The following PLXNA1 variants were observed in gnomAD, a reference collection of about 807,000 sequenced individuals.
PLXNA1 encodes plexin-A1.
In PLXNA1, 77 loss-of-function variants were observed where a neutral mutation model predicts 191.7. The ratio of observed to expected loss-of-function variants is 0.40; its 90% CI spans 0.33 to 0.49. The LOEUF is 0.49. PLXNA1 is among the 20% of genes least tolerant of loss of function. The probability of loss-of-function intolerance (pLI) is 0.63; values close to 1 mark genes in which losing one functional copy is unlikely to be tolerated. For missense variants in PLXNA1, 2,110 were observed against 2,660.2 expected (o/e 0.79, Z 4.55); for synonymous variants, 1,137 against 1,156.4 (o/e 0.98, Z 0.34).
At position 127,016,578 on chromosome 3, in the gene PLXNA1, A is replaced by G. The variant is rs2079124665; in HGVS notation, c.3076A>G (p.Ile1026Val). 1 of 1,613,816 alleles carries G rather than the reference A, an allele frequency of 6.2e-7. No homozygotes were observed. The highest frequency in any genetic ancestry group is 1.3e-5 in the African/African-American group (1 of 74,918). The change falls in exon 16 of 32, where the codon ATC becomes GTC. Residue 1026 changes from isoleucine (I) to valine (V), a missense_variant. Physicochemically the swap from Ile to Val is conservative, Grantham distance 29 (BLOSUM62 3). Coordinates refer to ENST00000393409, the MANE Select transcript of PLXNA1 (RefSeq NM_032242.4). ...PPGQSPGSAP[I>V]IININRAQLT... is the part of the protein sequence containing the mutation. ...CGGGCAGAGCCCTGGCAGCGCTCCC[A>G]TCATCATCAACATCAACCGCGCCCA...
intron 3 of PLXNA1, among the ~76,000 whole-genome samples, chr3:126,997,830 G>C (rs928995545): frequency 6.6e-6 from 1 of 152,250 alleles, no homozygotes; most frequent in African/African-American, 2.4e-5. Flanking sequence ...AAGCCAGTCA[G>C]GCCTAAGCCA....
chr3:126,999,885 C>T (rs1188566150), intron 3 of PLXNA1, among the ~76,000 whole-genome samples: 5 of 152,010 alleles, frequency 3.3e-5, no homozygotes, highest in Admixed American at 6.5e-5. Context: ...TGAGAGGCCT[C>T]GGGACTGCAC....
chr3:127,021,160 G>T (rs1196872724), intron 21 of PLXNA1, among the ~76,000 whole-genome samples: 1 of 152,214 alleles, frequency 6.6e-6, no homozygotes, highest in African/African-American at 2.4e-5. Flanking sequence ...ATACTGAGCA[G>T]ACCTTCCCGC....
chr3:127,011,601 A>AT (rs780960373), intron 9 of PLXNA1, among the ~76,000 whole-genome samples: 2 of 152,032 alleles, frequency 1.3e-5, no homozygotes, highest in Non-Finnish European at 2.9e-5. Context: ...GGCTCTGGCT[A>AT]TTTTTATACA....
At position 127,034,880 on chromosome 3, in the gene PLXNA1, G is replaced by A. The variant is rs2079232356; in HGVS notation, c.*863G>A. ...AGGCTGCCCTGGCAGCTGTCTTCAA[G>A]GGTAGGCTGAGCTCCCCACCCTGGA... is the stretch of plus-strand genomic sequence containing the variant. On this transcript the variant is annotated 3_prime_UTR_variant, in exon 32 of 32. Transcript: ENST00000393409. The A allele has an allele frequency of 6.5e-6, 1 of 152,748 alleles. No individual in the cohort carries two copies. Among genetic ancestry groups the A allele is most frequent in the Admixed American group, 6.5e-5 (1 of 15,294 alleles). 9.5% of individuals were successfully genotyped at this position (152,748 alleles called of 1,614,324 possible).
At chr3:126,994,398 G>A (rs992243185) in intron 3 of PLXNA1, among the ~76,000 whole-genome samples, 3 of 152,146 alleles carry the variant, frequency 2.0e-5, no homozygotes, top group African/African-American at 4.8e-5. Context: ...TGTTCCATCC[G>A]CTCTGCCTCC....
rs1245929490 is a variant in PLXNA1, at chr3:127,017,648, CCCCA to C, written c.3502_3505del (p.Pro1168SerfsTer73). 6.2e-7 allele frequency: 1 copy of C among 1,613,402 alleles called. No individual in the cohort carries two copies. Among genetic ancestry groups the C allele is most frequent in the African/African-American group, 1.3e-5 (1 of 74,912 alleles). On this transcript the variant is annotated frameshift_variant, in exon 18 of 32. Transcript: ENST00000393409. LOFTEE classifies it high-confidence loss of function. ...GGCCTGCTGGAGCTGAAGCCCAGCT[CCCCA>C]CTCATCCTCAAGGTGGGTCACCATT...
chr3:127,029,334 C>T, intron 26 of PLXNA1, 106 bp from the exon 27 acceptor site: 1 of 1,085,410 alleles, frequency 9.2e-7, no homozygotes, highest in Non-Finnish European at 1.4e-6. Flanking sequence ...TGGCTGCCTC[C>T]AGGCACAGCA....
Position 126,989,792 on chromosome 3 carries a change from G to T in PLXNA1, c.1194+5G>T, listed in dbSNP as rs1161703065. ...GAGCTGGGCTGCATCAACTCGGTGA[G>T]TTGGGCAGGGGCGCCCCTCCTCCCG... On this transcript the variant is annotated splice_donor_5th_base_variant and intron_variant, in intron 2 of 31. Coordinates refer to ENST00000393409, the MANE Select transcript of PLXNA1 (RefSeq NM_032242.4). 1 of 1,597,536 alleles carries T rather than the reference G, an allele frequency of 6.3e-7. No homozygotes were observed. Among genetic ancestry groups the T allele is most frequent in the Admixed American group, 1.7e-5 (1 of 59,070 alleles).
chr3:127,013,957 G>A (rs1269836753), intron 10 of PLXNA1, 63 bp from the exon 11 acceptor site: 6 of 1,468,050 alleles, frequency 4.1e-6, no homozygotes, highest in South Asian at 2.3e-5. Context: ...CTTTGTGGGC[G>A]TGAGGCTTGG....
rs775786151 is a variant in PLXNA1, at chr3:127,006,035, C to A, written c.1898-44C>A. ...GTCTGGACTTGCCCTGTGTGGGAGT[C>A]CTGGGCAAGCAGTCCTGGTGACTCA... On this transcript the variant is annotated intron_variant, in intron 7 of 31. Transcript: ENST00000393409. 3 of 1,492,246 alleles carry A rather than the reference C, an allele frequency of 2.0e-6. No homozygotes were observed. In the South Asian group the frequency reaches 3.4e-5, roughly 17 times the overall value. The allele number at this position is 1,492,246 out of a possible 1,614,324, so 92.4% of individuals were successfully genotyped here.
rs1355658631 is a variant in PLXNA1 at position 127,017,533 on chromosome 3, G to C, written c.3385G>C (p.Val1129Leu). 3.1e-6 allele frequency: 5 copies of C among 1,613,528 alleles called. No homozygotes were observed. The East Asian group carries it at 8.9e-5, about 29-fold the overall frequency. Residue 1129 changes from valine to leucine, a missense_variant, in exon 18 of 32, where the codon GTC becomes CTC. Physicochemically the swap from Val to Leu is conservative, Grantham distance 32. Coordinates refer to ENST00000393409, the MANE Select transcript of PLXNA1 (RefSeq NM_032242.4). ...LGERPDELGF[V>L]MDNVRSLLVL... ...GGAGCGGCCGGATGAGCTGGGCTTC[G>C]TCATGGACAACGTGCGCTCCCTGCT...
intron 27 of PLXNA1, 42 bp from the exon 28 acceptor site, chr3:127,029,832 G>A (rs766762124): frequency 1.4e-5 from 21 of 1,532,114 alleles, no homozygotes; most frequent in South Asian, 1.1e-4. Context: ...CGGGGGGTGC[G>A]GGGTGCCAGC....
chr3:127,009,398 G>A (rs1249194560), intron 9 of PLXNA1, among the ~76,000 whole-genome samples: 1 of 152,100 alleles, frequency 6.6e-6, no homozygotes, highest in African/African-American at 2.4e-5. Context: ...TGGGCTGGGG[G>A]CACGTGTGGG....
intron 1 of PLXNA1, among the ~76,000 whole-genome samples, chr3:126,986,310 A>T (rs1046748640): frequency 1.3e-5 from 2 of 150,034 alleles, no homozygotes; most frequent in South Asian, 4.3e-4. Flanking sequence ...GGGAGTGGGG[A>T]CTCCTCCCCT....
intron 8 of PLXNA1, among the ~76,000 whole-genome samples, chr3:127,006,911 G>A (rs893970963): frequency 7.2e-5 from 11 of 152,250 alleles, no homozygotes; most frequent in African/African-American, 2.7e-4. Context: ...GAGGACCCAG[G>A]CTGAGGCAGT....
chr3:127,027,871 CG>C (rs760617673), intron 23 of PLXNA1, 68 bp from the exon 24 acceptor site: 1 of 1,598,694 alleles, frequency 6.3e-7, no homozygotes, highest in South Asian at 1.1e-5. Context: ...TGGCACTCGA[CG>C]GGTGGAGGGG....
chr3:127,013,426 C>T (rs551793019), intron 10 of PLXNA1, among the ~76,000 whole-genome samples: 39 of 152,338 alleles, frequency 2.6e-4, no homozygotes, highest in East Asian at 2.5e-3. Context: ...CGTCCCAGCA[C>T]GGGAACAGAG....
intron 29 of PLXNA1, 121 bp downstream of exon 29, chr3:127,030,533 C>G (rs922616798): frequency 1.6e-6 from 2 of 1,218,062 alleles, no homozygotes; most frequent in Non-Finnish European, 2.3e-6. Context: ...GGGACACAAC[C>G]CAGCAGGGGC....
Sources: gnomAD v4.1 joint callset for allele counts (sites outside exome capture counted in the v4.1 genomes callset) on GRCh38, gnomAD v4.1.1 for gene constraint, MANE v1.5 for transcripts, NCBI Gene and HGNC (gene_info 2026-07-23, HGNC 2026-07-21) for gene names.